The following AUTS2 variants were observed in gnomAD, a reference collection of about 807,000 sequenced individuals.
AUTS2 encodes autism susceptibility gene 2 protein.
Under a neutral mutation model 112.4 loss-of-function variants are expected in AUTS2, and 17 were observed. The ratio of observed to expected loss-of-function variants is 0.15; its 90% CI spans 0.10 to 0.23. The LOEUF (loss-of-function observed/expected upper bound fraction) is 0.23. AUTS2 is among the 10% of genes least tolerant of loss of function. AUTS2 has a pLI of 1.00. For missense variants in AUTS2, 1,510 were observed against 1,701.6 expected, an observed-to-expected ratio of 0.89 and a Z score of 1.98; for synonymous variants, 751 against 702.7, an observed-to-expected ratio of 1.07 and a Z score of -1.09.
At chr7:69,703,763 G>A (rs1159350647) in intron 1 of AUTS2, among the ~76,000 whole-genome samples, 1 of 152,168 alleles carries the variant, frequency 6.6e-6, no homozygotes, top group Non-Finnish European at 1.5e-5. Context: ...AAAGCTCTCT[G>A]CAGTTGTTTG....
chr7:70,778,984 A>G (rs1790884752), intron 14 of AUTS2, among the ~76,000 whole-genome samples: 2 of 152,184 alleles, frequency 1.3e-5, no homozygotes, highest in South Asian at 2.1e-4. Flanking sequence ...TCCCAATTCA[A>G]TTAGAAAGAC....
intron 4 of AUTS2, among the ~76,000 whole-genome samples, chr7:70,324,564 A>G (rs1377160898): frequency 6.6e-6 from 1 of 152,088 alleles, no homozygotes; most frequent in African/African-American, 2.4e-5. Context: ...GTTCAAGGCT[A>G]CAGTAAACTG....
intron 5 of AUTS2, among the ~76,000 whole-genome samples, chr7:70,456,972 A>G (rs1796765861): frequency 6.6e-6 from 1 of 152,200 alleles, no homozygotes; most frequent in South Asian, 2.1e-4. Context: ...AGTTGAGCTC[A>G]GGAAGTCATC....
intron 1 of AUTS2, among the ~76,000 whole-genome samples, chr7:69,890,450 A>G (rs992279769): frequency 6.6e-6 from 1 of 151,978 alleles, no homozygotes; most frequent in Non-Finnish European, 1.5e-5. Context: ...TGTCCCTCTC[A>G]TCTTTATTTA....
intron 1 of AUTS2, among the ~76,000 whole-genome samples, chr7:69,806,462 T>C (rs193007504): frequency 5.1e-4 from 78 of 152,078 alleles, no homozygotes; most frequent in African/African-American, 1.8e-3. Flanking sequence ...TCTGTTTGTG[T>C]ATTTGTTTTT....
rs539382260 is a variant in AUTS2, at chr7:70,238,037, TCTC to T, written c.660+103469_660+103471del. Among the ~76,000 whole-genome samples, 21 of 152,236 alleles carry T rather than the reference TCTC, an allele frequency of 1.4e-4. No individual in the cohort carries two copies. The East Asian group carries it at 3.9e-3, about 28-fold the overall frequency. On this transcript the variant is annotated intron_variant, in intron 4 of 18. Coordinates refer to ENST00000342771, the MANE Select transcript of AUTS2 (RefSeq NM_015570.4). Reference sequence around the variant, plus strand: ...AAGAGAACTTATTAAAATGCAATAATCTCCTATTTAAACAGAAACAATAACCAT... The same window carrying T: ...AAGAGAACTTATTAAAATGCAATAATCTATTTAAACAGAAACAATAACCAT...
chr7:69,891,260 C>G, intron 1 of AUTS2, among the ~76,000 whole-genome samples: 1 of 152,294 alleles, frequency 6.6e-6, no homozygotes, highest in Non-Finnish European at 1.5e-5. Flanking sequence ...TGATTTCTTT[C>G]ACTTGGCATA....
intron 4 of AUTS2, among the ~76,000 whole-genome samples, chr7:70,231,106 T>C (rs963520637): frequency 2.0e-5 from 3 of 152,234 alleles, no homozygotes; most frequent in Non-Finnish European, 2.9e-5. Flanking sequence ...CAGTGTCCTT[T>C]AGAGATTGTT....
chr7:70,667,581 G>A (rs1807413408), intron 5 of AUTS2, among the ~76,000 whole-genome samples: 1 of 152,178 alleles, frequency 6.6e-6, no homozygotes, highest in African/African-American at 2.4e-5. Flanking sequence ...TCAACTGGCA[G>A]GTTACCAAAG....
chr7:70,057,348 C>T (rs183564479), intron 2 of AUTS2, among the ~76,000 whole-genome samples: 358 of 152,226 alleles, frequency 2.4e-3, no homozygotes, highest in Non-Finnish European at 4.2e-3. Flanking sequence ...ATACCAGCTC[C>T]GCTGTGGAGA....
At chr7:70,752,731 G>GTT (rs1788946939) in intron 6 of AUTS2, among the ~76,000 whole-genome samples, 1 of 152,128 alleles carries the variant, frequency 6.6e-6, no homozygotes, top group Non-Finnish European at 1.5e-5. Flanking sequence ...ACATTGTTGA[G>GTT]TTTCTAAAGA....
intron 4 of AUTS2, among the ~76,000 whole-genome samples, chr7:70,361,281 C>A (rs1331586554): frequency 6.6e-6 from 1 of 151,688 alleles, no homozygotes; most frequent in Non-Finnish European, 1.5e-5. Context: ...TGCAGTGAGC[C>A]GAGATCGCGC....
chr7:70,003,185 T>A (rs905894838), intron 2 of AUTS2, among the ~76,000 whole-genome samples: 3 of 122,426 alleles, frequency 2.5e-5, no homozygotes, highest in African/African-American at 6.8e-5. Flanking sequence ...TATGAATATA[T>A]TATATATGAA....
At chr7:70,322,882 G>A (rs1172564165) in intron 4 of AUTS2, among the ~76,000 whole-genome samples, 3 of 152,200 alleles carry the variant, frequency 2.0e-5, no homozygotes, top group Non-Finnish European at 2.9e-5. Context: ...CAGAGCACAA[G>A]TGATGGCACA....
intron 6 of AUTS2, among the ~76,000 whole-genome samples, chr7:70,712,192 ACTT>A (rs1810092921): frequency 2.4e-5 from 2 of 83,006 alleles, no homozygotes; most frequent in Non-Finnish European, 4.3e-5. Context: ...TGCCTGGCTC[ACTT>A]TTTTTTTTTT....
At chr7:69,871,672 G>T (rs1028276057) in intron 1 of AUTS2, among the ~76,000 whole-genome samples, 2 of 152,052 alleles carry the variant, frequency 1.3e-5, no homozygotes, top group Non-Finnish European at 2.9e-5. Context: ...GATCTGAGAC[G>T]GCTACTAAGT....
At chr7:69,736,602 C>T (rs1332875828) in intron 1 of AUTS2, among the ~76,000 whole-genome samples, 2 of 152,206 alleles carry the variant, frequency 1.3e-5, no homozygotes, top group Non-Finnish European at 2.9e-5. Context: ...TAGCATTTTG[C>T]ATCACCTTTG....
intron 1 of AUTS2, among the ~76,000 whole-genome samples, chr7:69,781,335 T>A (rs1261983384): frequency 6.6e-6 from 1 of 152,254 alleles, no homozygotes; most frequent in African/African-American, 2.4e-5. Flanking sequence ...ATTTGCCCAC[T>A]ACTGATAGTT....
chr7:70,708,151 A>G (rs1359004936), intron 6 of AUTS2, among the ~76,000 whole-genome samples: 4 of 152,208 alleles, frequency 2.6e-5, no homozygotes, highest in African/African-American at 9.7e-5. Context: ...CACATCTCTC[A>G]GCAGAGTAAC....
Sources: gnomAD v4.1 joint callset for allele counts (sites outside exome capture counted in the v4.1 genomes callset) on GRCh38, gnomAD v4.1.1 for gene constraint, MANE v1.5 for transcripts, NCBI Gene and HGNC (gene_info 2026-07-23, HGNC 2026-07-21) for gene names.